Variants in ADAT1 observed in about 807,000 individuals in gnomAD.
ADAT1 encodes tRNA-specific adenosine deaminase 1.
ADAT1 carries 58 observed loss-of-function variants against 58.6 expected under a neutral mutation model. The observed-to-expected ratio is 0.99, with a 90% CI of 0.80 to 1.23. The LOEUF (loss-of-function observed/expected upper bound fraction) is 1.23. Ranked by LOEUF, ADAT1 falls within the 50% of genes most tolerant of loss-of-function variation. ADAT1 has a pLI of 0.00. For synonymous variants in ADAT1, 254 were observed against 220.8 expected, an observed-to-expected ratio of 1.15 and a Z score of -1.33; for missense variants, 741 against 608.6, an observed-to-expected ratio of 1.22 and a Z score of -2.29.
At chr16:75,614,355 C>T (rs541158738) in intron 5 of ADAT1, among the ~76,000 whole-genome samples, 1 of 152,306 alleles carries the variant, frequency 6.6e-6, no homozygotes, top group African/African-American at 2.4e-5. Context: ...TTAGAGATTT[C>T]TGACCTCCTC....
chr16:75,617,301 A>C (rs1435640546), intron 4 of ADAT1, 29 bp from the exon 5 acceptor site: 1 of 1,602,996 alleles, frequency 6.2e-7, no homozygotes, highest in Non-Finnish European at 8.5e-7. Flanking sequence ...TATTAGGATG[A>C]ACAACCGATC....
At position 75,612,227 on chromosome 16, in the gene ADAT1, C is replaced by T. The variant is rs546979897; in HGVS notation, c.1043+16G>A. On this transcript the variant is annotated intron_variant, in intron 6 of 9. Coordinates refer to ENST00000564657, the MANE Select transcript of ADAT1 (RefSeq NM_001324445.2). ...TTGGAATGACTGTTCCAATTGAGCC[C>T]TCCCTACCCTCTCACCTTCCAATCA... 6.2e-7 allele frequency: 1 copy of T among 1,609,714 alleles called. No individual in the cohort carries two copies. The highest frequency in any genetic ancestry group is 1.7e-5 in the Admixed American group (1 of 59,900).
Position 75,620,706 on chromosome 16 carries a change from TC to T in ADAT1, c.93del (p.Trp31Ter). ...KKGKPEPNHEWTLLAAVVKIQ... is the reference protein window; with the variant it reads ...KKGKPEPNHEXTLLAAVVKIQ... ...ATCTTCACCACCGCTGCCAATAATGTCCACTCATGGTTTGGCTCAGGCTTCC... is the reference window on the plus strand; with the variant it reads ...ATCTTCACCACCGCTGCCAATAATGTCACTCATGGTTTGGCTCAGGCTTCC... On this transcript the variant is annotated frameshift_variant, in exon 2 of 10. Transcript: ENST00000564657. LOFTEE classifies it high-confidence loss of function. 1 of 1,614,172 alleles carries T rather than the reference TC, an allele frequency of 6.2e-7. No homozygotes were observed.
Position 75,599,400 on chromosome 16 carries a change from C to T in ADAT1, c.*816G>A. On this transcript the variant is annotated 3_prime_UTR_variant, in exon 10 of 10. Coordinates refer to ENST00000564657, the MANE Select transcript of ADAT1 (RefSeq NM_001324445.2). ...CCTGGCCACCTTTTGGCTTTTTGGACAGAACTCTTTCAATTGTAAGTCAGA... is the reference window on the plus strand; with the variant it reads ...CCTGGCCACCTTTTGGCTTTTTGGATAGAACTCTTTCAATTGTAAGTCAGA... 3 of 985,662 alleles carry T rather than the reference C, an allele frequency of 3.0e-6. No individual in the cohort carries two copies. The highest frequency in any genetic ancestry group is 3.6e-6 in the Non-Finnish European group (3 of 829,878). The allele number at this position is 985,662 out of a possible 1,614,324, so 61.1% of individuals were successfully genotyped here. A position where few individuals can be genotyped will look rare whatever the true frequency, so the allele number is the denominator to read the frequency against.
chr16:75,599,690 G>C lies in ADAT1; in HGVS notation c.*526C>G. 1 of 987,422 alleles carries C rather than the reference G, an allele frequency of 1.0e-6. No homozygotes were observed. The highest frequency in any genetic ancestry group is 1.2e-6 in the Non-Finnish European group (1 of 831,082). 61.2% of individuals were successfully genotyped at this position (987,422 alleles called of 1,614,324 possible). Reference sequence around the variant, plus strand: ...CAGGGCAGTCCAGGGCTGGCTCACAGGCTATTCCTAGAGCCAGGGAGTAAG... The same window carrying C: ...CAGGGCAGTCCAGGGCTGGCTCACACGCTATTCCTAGAGCCAGGGAGTAAG... On this transcript the variant is annotated 3_prime_UTR_variant, in exon 10 of 10. Transcript: ENST00000564657.
chr16:75,612,009 G>C (rs1390224238), intron 6 of ADAT1, among the ~76,000 whole-genome samples: 3 of 152,100 alleles, frequency 2.0e-5, no homozygotes, highest in Admixed American at 2.0e-4. Flanking sequence ...AGTGAGCCCA[G>C]AGCACGCCAT....
chr16:75,608,750 T>G (rs745371301), intron 7 of ADAT1, 93 bp downstream of exon 7: 1 of 1,483,984 alleles, frequency 6.7e-7, no homozygotes, highest in South Asian at 1.3e-5. Context: ...AGTGGTGAAC[T>G]ACCTTCCTAG....
At position 75,620,338 on chromosome 16, in the gene ADAT1, T is replaced by G; in HGVS notation, c.170-4A>C. 1 of 1,614,072 alleles carries G rather than the reference T, an allele frequency of 6.2e-7. No individual in the cohort carries two copies. Among genetic ancestry groups the G allele is most frequent in the Non-Finnish European group, 8.5e-7 (1 of 1,179,934 alleles). Reference sequence around the variant, plus strand: ...ATTGACACAACTTCCTTTGTCACTGTGGGAAAAAAACAAATCGTGTGAGTT... The same window carrying G: ...ATTGACACAACTTCCTTTGTCACTGGGGGAAAAAAACAAATCGTGTGAGTT... On this transcript the variant is annotated splice_polypyrimidine_tract_variant and splice_region_variant and intron_variant, in intron 2 of 9. Transcript: ENST00000564657.
intron 9 of ADAT1, among the ~76,000 whole-genome samples, chr16:75,600,576 T>C (rs1448840930): frequency 3.9e-5 from 6 of 152,222 alleles, no homozygotes; most frequent in Admixed American, 3.9e-4. Context: ...GCGCATAACA[T>C]TGCTCCAAGA....
intron 7 of ADAT1, 129 bp from the exon 8 acceptor site, chr16:75,608,452 T>A (rs1163097683): frequency 1.4e-6 from 1 of 738,186 alleles, no homozygotes; most frequent in East Asian, 2.7e-5. Context: ...AGACAATGAC[T>A]GCTATTGGAT....
At chr16:75,617,319 T>A in intron 4 of ADAT1, 47 bp from the exon 5 acceptor site, 1 of 1,593,488 alleles carries the variant, frequency 6.3e-7, no homozygotes, top group Non-Finnish European at 8.6e-7. Context: ...ATCTCTGTGG[T>A]AAGGGGAAAG....
At position 75,603,056 on chromosome 16, in the gene ADAT1, T is replaced by A. The variant is rs375413441; in HGVS notation, c.1376+29A>T. The stretch of plus-strand genomic sequence containing the variant: ...GAATCAAAACAGTTGTCTACCTAAA[T>A]ATGAGAAAACATAGGTCAACAGCAT... On this transcript the variant is annotated intron_variant, in intron 9 of 9. Coordinates refer to ENST00000564657, the MANE Select transcript of ADAT1 (RefSeq NM_001324445.2). The A allele has an allele frequency of 3.8e-5, 60 of 1,599,798 alleles. No homozygotes were observed. In the African/African-American group the frequency reaches 6.4e-4, roughly 17 times the overall value.
chr16:75,604,717 C>T (rs530185741), intron 8 of ADAT1, among the ~76,000 whole-genome samples: 26 of 151,958 alleles, frequency 1.7e-4, no homozygotes, highest in East Asian at 7.7e-4. Context: ...TTGCTATCAC[C>T]GCTTTTATTC....
chr16:75,597,471 C>T lies in ADAT1; in HGVS notation c.*2745G>A, dbSNP rs570170811. On this transcript the variant is annotated 3_prime_UTR_variant, in exon 10 of 10. Coordinates refer to ENST00000564657, the MANE Select transcript of ADAT1 (RefSeq NM_001324445.2). Reference sequence around the variant, plus strand: ...AAGTCTTCCTTAGAGCAGCAGTCCCCAACCTTTTTGGCACCAGGGACTGGT... The same window carrying T: ...AAGTCTTCCTTAGAGCAGCAGTCCCTAACCTTTTTGGCACCAGGGACTGGT... 31 of 410,300 alleles carry T rather than the reference C, an allele frequency of 7.6e-5. No homozygotes were observed. The highest frequency in any genetic ancestry group is 4.4e-4 in the South Asian group (25 of 56,716). 25.4% of individuals were successfully genotyped at this position (410,300 alleles called of 1,614,324 possible).
At chr16:75,602,759 G>T (rs1294809792) in intron 9 of ADAT1, among the ~76,000 whole-genome samples, 1 of 152,178 alleles carries the variant, frequency 6.6e-6, no homozygotes, top group Non-Finnish European at 1.5e-5. Flanking sequence ...AGTAACACTT[G>T]TAACAGAATA....
At position 75,608,263 on chromosome 16, in the gene ADAT1, T is replaced by C. The variant is rs147999655; in HGVS notation, c.1250A>G (p.Gln417Arg). 5.3e-4 allele frequency: 859 copies of C among 1,614,102 alleles called. No homozygotes were observed. Among genetic ancestry groups the C allele is most frequent in the Non-Finnish European group, 6.8e-4 (806 of 1,179,970 alleles). Residue 417 changes from glutamine to arginine, a missense_variant, in exon 8 of 10, where the codon CAG becomes CGG. Transcript: ENST00000564657. Reference protein sequence around the residue: ...PLDVTANGFPQGTTKKTIGSL... With the variant: ...PLDVTANGFPRGTTKKTIGSL... Reference sequence around the variant, plus strand: ...TCCAATTGTTTTCTTTGTTGTTCCCTGTGGAAAGCCATTGGCAGTAACATC... The same window carrying C: ...TCCAATTGTTTTCTTTGTTGTTCCCCGTGGAAAGCCATTGGCAGTAACATC...
At chr16:75,622,009 G>C (rs962583801) in intron 1 of ADAT1, among the ~76,000 whole-genome samples, 5 of 152,196 alleles carry the variant, frequency 3.3e-5, no homozygotes, top group African/African-American at 1.2e-4. Flanking sequence ...AATTAGCCGG[G>C]CGTGATGGCG....
rs1254323500 is a variant in ADAT1, at chr16:75,622,695, G to GTC, written c.-315_-314insGA. 6.6e-6 allele frequency: 1 copy of GTC among 152,216 alleles called. No homozygotes were observed. The highest frequency in any genetic ancestry group is 6.5e-5 in the Admixed American group (1 of 15,268). The allele number at this position is 152,216 out of a possible 1,614,324, so 9.4% of individuals were successfully genotyped here. A position where few individuals can be genotyped will look rare whatever the true frequency, so the allele number is the denominator to read the frequency against. On this transcript the variant is annotated 5_prime_UTR_variant, in exon 1 of 10. It removes the in-frame stop codon of an upstream open reading frame in the 5' UTR. Coordinates refer to ENST00000564657, the MANE Select transcript of ADAT1 (RefSeq NM_001324445.2). ...CCCTCCTAGATCTTGAAAACTTGAA[G>GTC]AACTTCTTAGCTGAAAATAACAGCT...
In ADAT1 at chr16:75,608,852, A is replaced by C; in HGVS notation, c.1180T>G (p.Cys394Gly). The change falls in exon 7 of 10, where the codon TGT (cysteine) becomes GGT (glycine). Residue 394 changes from cysteine (C) to glycine (G), a missense_variant. Cys to Gly is a radical substitution (Grantham distance 159). Coordinates refer to ENST00000564657, the MANE Select transcript of ADAT1 (RefSeq NM_001324445.2). ...RADSPGRLVP[C>G]GAAISWSAVP... ...AACCTGGATCTCTTACCTGCCCCACAAGGAACAAGTCGACCTGGGCTATCA... is the reference window on the plus strand; with the variant it reads ...AACCTGGATCTCTTACCTGCCCCACCAGGAACAAGTCGACCTGGGCTATCA... 2 of 1,613,560 alleles carry C rather than the reference A, an allele frequency of 1.2e-6. No homozygotes were observed.
Sources: gnomAD v4.1 joint callset for allele counts (sites outside exome capture counted in the v4.1 genomes callset) on GRCh38, gnomAD v4.1.1 for gene constraint, MANE v1.5 for transcripts, NCBI Gene and HGNC (gene_info 2026-07-23, HGNC 2026-07-21) for gene names.